The following SLC2A10 variants were observed in gnomAD, a reference collection of about 807,000 sequenced individuals.
SLC2A10 encodes solute carrier family 2, facilitated glucose transporter member 10.
In SLC2A10, 25 loss-of-function variants were observed where a neutral mutation model predicts 32.1. The ratio of observed to expected loss-of-function variants is 0.78; its 90% CI spans 0.57 to 1.09. The LOEUF is 1.09. Among genes scored for constraint, SLC2A10 ranks in the 50% least tolerant of loss-of-function variants. SLC2A10 has a pLI of 0.00. For synonymous variants in SLC2A10, 332 were observed against 309.6 expected (o/e 1.07, Z -0.76); for missense variants, 673 against 686.5 (o/e 0.98, Z 0.22).
upstream of SLC2A10, chr20:46,709,454 C>A (rs909700004): frequency 1.4e-5 from 6 of 436,256 alleles, no homozygotes; most frequent in African/African-American, 1.0e-4. Context: ...CGGGAGATGG[C>A]GGGTGGGGGC....
At position 46,726,052 on chromosome 20, in the gene SLC2A10, C is replaced by A; in HGVS notation, c.1016C>A (p.Thr339Lys). Residue 339 changes from threonine to lysine, a missense_variant, in exon 2 of 5, where the codon ACA becomes AAA. Transcript: ENST00000359271. ...GCTGTGCCCAATGCCACCGGGCAGA[C>A]AGGCCTCCCTGGAGACTCTGGCCTG... The part of the protein sequence containing the change: ...CLAVPNATGQ[T>K]GLPGDSGLLQ... 6.2e-7 allele frequency: 1 copy of A among 1,614,158 alleles called. No homozygotes were observed. Among genetic ancestry groups the A allele is most frequent in the Non-Finnish European group, 8.5e-7 (1 of 1,180,044 alleles).
intron 4 of SLC2A10, among the ~76,000 whole-genome samples, chr20:46,732,579 A>C (rs981581178): frequency 6.6e-6 from 1 of 152,204 alleles, no homozygotes; most frequent in Non-Finnish European, 1.5e-5. Context: ...AGATTTGGGA[A>C]ATGGATAGTT....
intron 2 of SLC2A10, among the ~76,000 whole-genome samples, 176 bp from the exon 3 acceptor site, chr20:46,726,688 A>G (rs931407612): frequency 2.6e-5 from 4 of 152,160 alleles, no homozygotes; most frequent in African/African-American, 9.7e-5. Context: ...AAAACCTCTC[A>G]GTCTTCAGCA....
intron 1 of SLC2A10, among the ~76,000 whole-genome samples, chr20:46,720,518 A>G (rs1011490980): frequency 6.6e-6 from 1 of 152,194 alleles, no homozygotes; most frequent in African/African-American, 2.4e-5. Context: ...ATCTTTAGCC[A>G]ATGGTCCATT....
At chr20:46,730,293 C>T (rs186720590) in intron 4 of SLC2A10, among the ~76,000 whole-genome samples, 7 of 152,308 alleles carry the variant, frequency 4.6e-5, no homozygotes, top group Admixed American at 4.6e-4. Flanking sequence ...TCCTCAAGAG[C>T]TTCCATTTGA....
chr20:46,724,806 A>AGGATGGATGGAT lies in SLC2A10; in HGVS notation c.5-204_5-193dup, dbSNP rs111504264. ...TGGAGTGGATGGATGGACAGATGGAAGGATGGATGGATGGATGGATGGATG... is the reference window on the plus strand; with the variant it reads ...TGGAGTGGATGGATGGACAGATGGAAGGATGGATGGATGGATGGATGGATGGATGGATGGATG... On this transcript the variant is annotated intron_variant, in intron 1 of 4. Coordinates refer to ENST00000359271, the MANE Select transcript of SLC2A10 (RefSeq NM_030777.4). Among the ~76,000 whole-genome samples, 33 of 125,700 alleles carry AGGATGGATGGAT rather than the reference A, an allele frequency of 2.6e-4. No homozygotes were observed. The East Asian group carries it at 4.7e-3, about 18-fold the overall frequency. The allele number at this position is 125,700 out of a possible 152,430, so 82.5% of individuals were successfully genotyped here.
At chr20:46,712,977 G>T (rs966002729) in intron 1 of SLC2A10, among the ~76,000 whole-genome samples, 5 of 151,832 alleles carry the variant, frequency 3.3e-5, no homozygotes, top group Non-Finnish European at 7.4e-5. Context: ...ATTTGAGGAC[G>T]AGGCTTTGCT....
intron 1 of SLC2A10, among the ~76,000 whole-genome samples, chr20:46,720,904 GC>G (rs1234788626): frequency 1.3e-5 from 2 of 152,078 alleles, no homozygotes; most frequent in Non-Finnish European, 2.9e-5. Flanking sequence ...CCAAGACTTA[GC>G]ATCTTCTAAT....
chr20:46,728,875 T>C (rs1440083235), intron 3 of SLC2A10, among the ~76,000 whole-genome samples: 1 of 152,086 alleles, frequency 6.6e-6, no homozygotes, highest in Non-Finnish European at 1.5e-5. Flanking sequence ...TCCTCCCACT[T>C]TGGCCTCCCA....
Position 46,713,110 on chromosome 20 carries a change from T to C in SLC2A10, c.4+3370T>C, listed in dbSNP as rs570076500. On this transcript the variant is annotated intron_variant, in intron 1 of 4. Coordinates refer to ENST00000359271, the MANE Select transcript of SLC2A10 (RefSeq NM_030777.4). ...TTTGGTTTTTCATTCATTCACTCAA[T>C]CATTCATTTGTTTAACAAATATTAT... 1.8e-4 allele frequency among the ~76,000 whole-genome samples: 28 copies of C among 152,314 alleles called. No individual in the cohort carries two copies. In the South Asian group the frequency reaches 5.0e-3, roughly 27 times the overall value.
intron 1 of SLC2A10, among the ~76,000 whole-genome samples, chr20:46,712,966 A>G (rs1018711386): frequency 2.0e-5 from 3 of 151,718 alleles, no homozygotes; most frequent in Non-Finnish European, 4.4e-5. Flanking sequence ...AAGACATCTT[A>G]ATTTGAGGAC....
intron 4 of SLC2A10, among the ~76,000 whole-genome samples, chr20:46,731,678 T>G (rs1029705110): frequency 6.6e-6 from 1 of 151,108 alleles, no homozygotes; most frequent in Non-Finnish European, 1.5e-5. Context: ...AAGTTAGGGG[T>G]TTTTGTGGAG....
At chr20:46,712,651 C>CTTTTTTTTTTTTT (rs11477202) in intron 1 of SLC2A10, among the ~76,000 whole-genome samples, 34 of 94,424 alleles carry the variant, frequency 3.6e-4, no homozygotes, top group Non-Finnish European at 4.7e-4. Flanking sequence ...TTCTTTCTTT[C>CTTTTTTTTTTTTT]TTTTTTTTTT....
Position 46,726,965 on chromosome 20 carries a change from C to T in SLC2A10, c.1390C>T (p.Leu464Phe), listed in dbSNP as rs1460136448. ...FNWAANLFISLSFLDLIGTIG... is the reference protein window; with the variant it reads ...FNWAANLFISFSFLDLIGTIG... ...CTGGGCGGCCAACCTCTTCATCAGC[C>T]TCTCCTTCCTCGATCTCATTGGTGA... The change falls in exon 3 of 5, where the codon CTC (leucine) becomes TTC (phenylalanine). Residue 464 changes from leucine (L) to phenylalanine (F), a missense_variant. Transcript: ENST00000359271. 3 of 1,614,118 alleles carry T rather than the reference C, an allele frequency of 1.9e-6. No homozygotes were observed. The highest frequency in any genetic ancestry group is 3.3e-5 in the Admixed American group (2 of 60,006).
At chr20:46,717,593 C>T (rs1252822588) in intron 1 of SLC2A10, among the ~76,000 whole-genome samples, 1 of 152,108 alleles carries the variant, frequency 6.6e-6, no homozygotes, top group Non-Finnish European at 1.5e-5. Flanking sequence ...CCATGTTGGC[C>T]AGGCTGTTCT....
intron 1 of SLC2A10, among the ~76,000 whole-genome samples, chr20:46,720,628 G>A (rs539197328): frequency 7.6e-4 from 115 of 152,312 alleles, no homozygotes; most frequent in African/African-American, 2.6e-3. Context: ...TAATGAAGTA[G>A]TTGGGTCATG....
intron 1 of SLC2A10, among the ~76,000 whole-genome samples, chr20:46,710,726 C>T (rs1375258010): frequency 1.3e-5 from 2 of 152,204 alleles, no homozygotes; most frequent in Non-Finnish European, 2.9e-5. Context: ...GGCCAGAGCA[C>T]AGCGGGCAGG....
intron 1 of SLC2A10, among the ~76,000 whole-genome samples, chr20:46,715,497 G>T (rs564622934): frequency 6.6e-6 from 1 of 152,226 alleles, no homozygotes; most frequent in Non-Finnish European, 1.5e-5. Context: ...GGGGGGCGAA[G>T]ACAGAGCAGG....
At chr20:46,711,122 G>A (rs1418166393) in intron 1 of SLC2A10, among the ~76,000 whole-genome samples, 3 of 152,282 alleles carry the variant, frequency 2.0e-5, no homozygotes, top group South Asian at 2.1e-4. Flanking sequence ...CGGCTGCCTC[G>A]GCTTGGGATT....
Sources: allele counts gnomAD v4.1 joint callset (sites outside exome capture counted in the v4.1 genomes callset), GRCh38; gene constraint gnomAD v4.1.1; transcripts MANE v1.5; gene names NCBI Gene and HGNC (gene_info 2026-07-23, HGNC 2026-07-21).